The following CAD variants were observed in gnomAD, a reference collection of about 807,000 sequenced individuals.
CAD encodes the protein carbamoyl-phosphate synthetase 2, aspartate transcarbamylase, and dihydroorotase, also known as multifunctional protein CAD.
CAD carries 81 observed loss-of-function variants against 237.2 expected under a neutral mutation model. That is an observed-to-expected ratio of 0.34 (90% CI 0.29 to 0.41). The LOEUF is 0.41. Ranked by LOEUF, CAD falls within the 10% of genes least tolerant of loss-of-function variation. The pLI, the probability that CAD is intolerant of heterozygous loss-of-function variation, is 1.00. For missense variants in CAD, 2,181 were observed against 2,951.7 expected (o/e 0.74, Z 6.05); for synonymous variants, 1,196 against 1,162.8 (o/e 1.03, Z -0.58).
chr2:27,238,340 A>G (rs933202450), intron 30 of CAD, 91 bp from the exon 31 acceptor site: 195 of 1,465,462 alleles, frequency 1.3e-4, no homozygotes, highest in Middle Eastern at 3.6e-4. Flanking sequence ...CTACATCATC[A>G]TTTTTTGAGC....
chr2:27,224,667 A>C, intron 9 of CAD, 78 bp from the exon 10 acceptor site: 5 of 1,581,158 alleles, frequency 3.2e-6, no homozygotes, highest in Non-Finnish European at 4.3e-6. Flanking sequence ...GAGGGAAAGA[A>C]GAGGAGAATG....
chr2:27,240,242 C>CT lies in CAD; in HGVS notation c.5497-22dup, dbSNP rs1300180592. 6.4e-7 allele frequency: 1 copy of CT among 1,564,872 alleles called. No individual in the cohort carries two copies. Among genetic ancestry groups the CT allele is most frequent in the African/African-American group, 1.4e-5 (1 of 73,054 alleles). ...TCAAAAGAAAAAAAAAAAAACAACTCTGGGCCAACGTTATCCCTCCAGACA... is the reference window on the plus strand; with the variant it reads ...TCAAAAGAAAAAAAAAAAAACAACTCTTGGGCCAACGTTATCCCTCCAGACA... On this transcript the variant is annotated intron_variant, in intron 34 of 43. Transcript: ENST00000264705. This position sits in a 1 kb window ranked among gnomAD's most constrained non-coding sequence, Gnocchi z 4.6.
rs950757931 is a variant in CAD at position 27,233,603 on chromosome 2, G to A, written c.3217-23G>A. 1 of 1,614,040 alleles carries A rather than the reference G, an allele frequency of 6.2e-7. No individual in the cohort carries two copies. The highest frequency in any genetic ancestry group is 8.5e-7 in the Non-Finnish European group (1 of 1,179,966). On this transcript the variant is annotated intron_variant, in intron 20 of 43. Coordinates refer to ENST00000264705, the MANE Select transcript of CAD (RefSeq NM_004341.5). This position sits in a 1 kb window ranked among gnomAD's most constrained non-coding sequence, Gnocchi z 6.3. ...CTTGGGGGAAAGTGTGAACAACTCAGCTAAGCTCCCTGCCTCCTGTAGTCT... is the reference window on the plus strand; with the variant it reads ...CTTGGGGGAAAGTGTGAACAACTCAACTAAGCTCCCTGCCTCCTGTAGTCT...
intron 23 of CAD, 126 bp downstream of exon 23, chr2:27,234,811 G>A (rs1675923846): frequency 8.9e-6 from 8 of 901,328 alleles, no homozygotes; most frequent in Non-Finnish European, 1.2e-5. Context: ...TGGGGGTAAT[G>A]AGGTGGTCAT....
At chr2:27,234,996 T>A (rs1050435730) in intron 23 of CAD, among the ~76,000 whole-genome samples, 51 of 152,158 alleles carry the variant, frequency 3.4e-4, no homozygotes, top group African/African-American at 1.2e-3. Context: ...TGGGAAGGCT[T>A]GAGCGAAGGG....
At chr2:27,230,180 C>T (rs938423935) in intron 15 of CAD, among the ~76,000 whole-genome samples, 2 of 151,246 alleles carry the variant, frequency 1.3e-5, no homozygotes, top group African/African-American at 4.9e-5. Context: ...ACAGGTTACA[C>T]TGAGCTGAGA....
rs756324912 is a variant in CAD, at chr2:27,222,535, A to G, written c.512A>G (p.Asn171Ser). The change falls in exon 5 of 44, where the codon AAT (asparagine) becomes AGT (serine). Residue 171 changes from asparagine (N) to serine (S), a missense_variant. By Grantham distance (46) the Asn-to-Ser change is conservative. Transcript: ENST00000264705. ...EVSIKTPRVF[N>S]TGGAPRILAL... ...ATTTCTCAGACTCCACGGGTATTCAATACAGGGGGTGCCCCTCGGATCCTT... is the reference window on the plus strand; with the variant it reads ...ATTTCTCAGACTCCACGGGTATTCAGTACAGGGGGTGCCCCTCGGATCCTT... The G allele has an allele frequency of 1.1e-5, 18 of 1,614,002 alleles. No individual in the cohort carries two copies. Among genetic ancestry groups the G allele is most frequent in the East Asian group, 2.2e-5 (1 of 44,894 alleles).
chr2:27,225,887 G>A lies in CAD; in HGVS notation c.1803G>A (p.Glu601=), dbSNP rs776308950. The A allele has an allele frequency of 6.8e-6, 11 of 1,614,150 alleles. No homozygotes were observed. In the East Asian group the frequency reaches 2.2e-4, roughly 33 times the overall value. ...CTCTGAAGGGATGGAAGGAGATTGA[G>A]TACGAGGTGGTGAGAGACGCCTATG... ...DKSLKGWKEI[E]YEVVRDAYGN... The change falls in exon 12 of 44, where the codon GAG becomes GAA. Residue 601 remains glutamate, a synonymous_variant. Coordinates refer to ENST00000264705, the MANE Select transcript of CAD (RefSeq NM_004341.5).
chr2:27,242,292 T>G lies in CAD; in HGVS notation c.6097-10T>G. On this transcript the variant is annotated splice_polypyrimidine_tract_variant and intron_variant, in intron 39 of 43. Transcript: ENST00000264705. The surrounding 1 kb of genome is among the most constrained non-coding windows in gnomAD (Gnocchi z 6.4). ...AGCTGCAAAAGACAGGATTTTCCCC[T>G]TTTTTCCAGCTGGCCGCCAAGCACT... 1.9e-6 allele frequency: 3 copies of G among 1,603,186 alleles called. No individual in the cohort carries two copies. The highest frequency in any genetic ancestry group is 2.6e-6 in the Non-Finnish European group (3 of 1,172,424).
Position 27,240,760 on chromosome 2 carries a change from G to C in CAD, c.5594-151G>C, listed in dbSNP as rs1558544921. The C allele has an allele frequency of 4.3e-6, 5 of 1,168,412 alleles. No homozygotes were observed. Among genetic ancestry groups the C allele is most frequent in the Non-Finnish European group, 6.2e-6 (5 of 810,894 alleles). The allele number at this position is 1,168,412 out of a possible 1,614,324, so 72.4% of individuals were successfully genotyped here. ...AAGCCACCTGTCTGTCCCCAGAGCT[G>C]CTGCAGTCCCCTGCCCTCCCCTAAC... On this transcript the variant is annotated intron_variant, in intron 35 of 43. Coordinates refer to ENST00000264705, the MANE Select transcript of CAD (RefSeq NM_004341.5). This position sits in a 1 kb window ranked among gnomAD's most constrained non-coding sequence, Gnocchi z 4.6.
intron 7 of CAD, 61 bp downstream of exon 7, chr2:27,223,809 A>G (rs1475023656): frequency 1.9e-6 from 3 of 1,590,024 alleles, no homozygotes; most frequent in African/African-American, 1.3e-5. Flanking sequence ...ATGATGGAAA[A>G]GTAAAGCACG....
Position 27,234,222 on chromosome 2 carries a change from C to G in CAD, c.3614C>G (p.Ala1205Gly). 6.2e-7 allele frequency: 1 copy of G among 1,613,586 alleles called. No individual in the cohort carries two copies. The highest frequency in any genetic ancestry group is 1.1e-5 in the South Asian group (1 of 91,076). The change falls in exon 22 of 44, where the codon GCC becomes GGC. Residue 1205 changes from alanine to glycine, a missense_variant. Transcript: ENST00000264705. ...GGACCCTTCAATCTGCAGCTCATTG[C>G]CAAGGTAATAAGGCTAAAGGAAAGA... is the stretch of plus-strand genomic sequence containing the variant. ...VTGPFNLQLI[A>G]KDDQLKVIEC...
rs1676354638 is a variant in CAD at position 27,242,212 on chromosome 2, G to A, written c.6096+89G>A. 4 of 1,584,116 alleles carry A rather than the reference G, an allele frequency of 2.5e-6. No individual in the cohort carries two copies. The highest frequency in any genetic ancestry group is 3.4e-5 in the Admixed American group (2 of 58,502). ...TCTGCCCACGTTTTCTGTGTTTTGG[G>A]CCAGATGAGTGAGGGGACCCCAGAA... On this transcript the variant is annotated intron_variant, in intron 39 of 43. Transcript: ENST00000264705. This position sits in a 1 kb window ranked among gnomAD's most constrained non-coding sequence, Gnocchi z 6.4.
rs879510184 is a variant in CAD, at chr2:27,217,516, T to G, written c.-36T>G. The G allele has an allele frequency of 1.3e-5, 20 of 1,550,216 alleles. No homozygotes were observed. The African/African-American group carries it at 2.6e-4, about 20-fold the overall frequency. ...AGTGGAGTTTGCAGTCCTTCCCGCT[T>G]CTCCGTACTCGCCCCCGCCTCTGAG... On this transcript the variant is annotated 5_prime_UTR_variant, in exon 1 of 44. Coordinates refer to ENST00000264705, the MANE Select transcript of CAD (RefSeq NM_004341.5).
chr2:27,240,421 G>A lies in CAD; in HGVS notation c.5593+60G>A. The A allele has an allele frequency of 1.0e-5, 16 of 1,537,290 alleles. No individual in the cohort carries two copies. The South Asian group carries it at 1.6e-4, about 15-fold the overall frequency. On this transcript the variant is annotated intron_variant, in intron 35 of 43. Coordinates refer to ENST00000264705, the MANE Select transcript of CAD (RefSeq NM_004341.5). This position sits in a 1 kb window ranked among gnomAD's most constrained non-coding sequence, Gnocchi z 4.6. Reference sequence around the variant, plus strand: ...TAGGGACAGGATCCACTTCTTCCCAGTGCCTCGCCTTTCTCTACTTACATG... The same window carrying A: ...TAGGGACAGGATCCACTTCTTCCCAATGCCTCGCCTTTCTCTACTTACATG...
intron 2 of CAD, 125 bp from the exon 3 acceptor site, chr2:27,221,093 A>G: frequency 1.4e-6 from 1 of 691,284 alleles, no homozygotes; most frequent in Non-Finnish European, 2.2e-6. Context: ...CAAAAGCACC[A>G]AAAGTTTGGT....
At chr2:27,224,070 G>A (rs1030573027) in intron 8 of CAD, 41 bp downstream of exon 8, 3 of 1,438,782 alleles carry the variant, frequency 2.1e-6, no homozygotes, top group African/African-American at 2.8e-5. Flanking sequence ...CCTAAGAACA[G>A]GGTTGGCTCC....
rs1676216307 is a variant in CAD at position 27,239,872 on chromosome 2, T to C, written c.5496+74T>C. 18 of 1,090,094 alleles carry C rather than the reference T, an allele frequency of 1.7e-5. No individual in the cohort carries two copies. The highest frequency in any genetic ancestry group is 2.2e-5 in the Non-Finnish European group (17 of 762,000). The allele number at this position is 1,090,094 out of a possible 1,614,324, so 67.5% of individuals were successfully genotyped here. ...AGGATGAACAGCTTGAACATTTTCATTGGTGGTTCAGGAACAATTGGGGTT... is the reference window on the plus strand; with the variant it reads ...AGGATGAACAGCTTGAACATTTTCACTGGTGGTTCAGGAACAATTGGGGTT... On this transcript the variant is annotated intron_variant, in intron 34 of 43. Coordinates refer to ENST00000264705, the MANE Select transcript of CAD (RefSeq NM_004341.5). This position sits in a 1 kb window ranked among gnomAD's most constrained non-coding sequence, Gnocchi z 4.0.
At chr2:27,224,583 G>T in intron 9 of CAD, 93 bp downstream of exon 9, 1 of 1,559,650 alleles carries the variant, frequency 6.4e-7, no homozygotes, top group South Asian at 1.2e-5. Flanking sequence ...GGGAGGAAAT[G>T]AACCAGATTT....
Sources: allele counts gnomAD v4.1 joint callset (sites outside exome capture counted in the v4.1 genomes callset), GRCh38; gene constraint gnomAD v4.1.1; non-coding constraint Gnocchi (gnomAD v3.1); transcripts MANE v1.5; gene names NCBI Gene and HGNC (gene_info 2026-07-23, HGNC 2026-07-21).